The following HAPLN2 variants were observed in gnomAD, a reference collection of about 807,000 sequenced individuals.
HAPLN2 encodes brain link protein-1.
HAPLN2 carries 27 observed loss-of-function variants against 29.3 expected under a neutral mutation model. The ratio of observed to expected loss-of-function variants is 0.92; its 90% CI spans 0.68 to 1.27. HAPLN2 has a LOEUF of 1.27. Among genes scored for constraint, HAPLN2 ranks in the 50% most tolerant of loss-of-function variants. HAPLN2 has a pLI of 0.00. For synonymous variants in HAPLN2, 208 were observed against 211.7 expected, an observed-to-expected ratio of 0.98 and a Z score of 0.15; for missense variants, 454 against 484.3, an observed-to-expected ratio of 0.94 and a Z score of 0.59.
the HAPLN2 span, among the ~76,000 whole-genome samples, chr1:156,611,158 C>T: frequency 4.0e-5 from 6 of 151,740 alleles, no homozygotes; most frequent in Non-Finnish European, 7.4e-5. Context: ...TGGTACACGC[C>T]TGTAATCCTA....
chr1:156,622,321 G>A (rs1244658040), intron 2 of HAPLN2, among the ~76,000 whole-genome samples: 1 of 152,048 alleles, frequency 6.6e-6, no homozygotes, highest in African/African-American at 2.4e-5. Flanking sequence ...GGGTTTCATG[G>A]TGTGCGCCTG....
chr1:156,625,294 C>CG lies in HAPLN2; in HGVS notation c.939dup (p.Leu314AlafsTer132), dbSNP rs886289714. The CG allele has an allele frequency of 3.8e-6, 6 of 1,579,476 alleles. No individual in the cohort carries two copies. The highest frequency in any genetic ancestry group is 1.4e-5 in the African/African-American group (1 of 74,046). On this transcript the variant is annotated frameshift_variant, in exon 7 of 7. Coordinates refer to ENST00000255039, the MANE Select transcript of HAPLN2 (RefSeq NM_021817.3). LOFTEE classifies it low-confidence loss of function (END_TRUNC). The surrounding 1 kb of genome is among the most constrained non-coding windows in gnomAD (Gnocchi z 5.7). ...CAATCACCACGCCGAGGCCGCGCTG[C>CG]GGGGGGCTCCCGGATCCCGGAGTGC...
At position 156,625,154 on chromosome 1, in the gene HAPLN2, T is replaced by A. The variant is rs1428974920; in HGVS notation, c.793T>A (p.Cys265Ser). 1 of 1,543,510 alleles carries A rather than the reference T, an allele frequency of 6.5e-7. No individual in the cohort carries two copies. Among genetic ancestry groups the A allele is most frequent in the Admixed American group, 2.0e-5 (1 of 50,984 alleles). ...GACGCTGTCTGAAGCCCACGCGGCG[T>A]GCCGGCGACGCGGCGCCGTGGTGGC... ...RLTLSEAHAACRRRGAVVAKV... is the reference protein window; with the variant it reads ...RLTLSEAHAASRRRGAVVAKV... The change falls in exon 7 of 7, where the codon TGC (cysteine) becomes AGC (serine). Residue 265 changes from cysteine (C) to serine (S), a missense_variant. By Grantham distance (112) the Cys-to-Ser change is moderately radical. This residue lies in a region of HAPLN2 where 235 missense variants were observed against 236.9 expected (regional missense o/e 0.99). Transcript: ENST00000255039. This position sits in a 1 kb window ranked among gnomAD's most constrained non-coding sequence, Gnocchi z 5.7.
upstream of HAPLN2, among the ~76,000 whole-genome samples, chr1:156,616,509 A>C (rs2102518565): frequency 6.6e-6 from 1 of 152,280 alleles, no homozygotes; most frequent in East Asian, 1.9e-4. Flanking sequence ...ACAGTTCAGA[A>C]GTGATTTGTG....
intron 1 of HAPLN2, among the ~76,000 whole-genome samples, 191 bp downstream of exon 1, chr1:156,619,726 G>GA (rs1482042288): frequency 2.6e-5 from 4 of 152,120 alleles, no homozygotes; most frequent in Non-Finnish European, 1.5e-5. Flanking sequence ...AAGGCATCGA[G>GA]AAAAAATGAA....
chr1:156,625,154 T>G lies in HAPLN2; in HGVS notation c.793T>G (p.Cys265Gly), dbSNP rs1428974920. 28 of 1,543,510 alleles carry G rather than the reference T, an allele frequency of 1.8e-5. No homozygotes were observed. Among genetic ancestry groups the G allele is most frequent in the Non-Finnish European group, 2.3e-5 (26 of 1,146,674 alleles). Reference sequence around the variant, plus strand: ...GACGCTGTCTGAAGCCCACGCGGCGTGCCGGCGACGCGGCGCCGTGGTGGC... The same window carrying G: ...GACGCTGTCTGAAGCCCACGCGGCGGGCCGGCGACGCGGCGCCGTGGTGGC... ...RLTLSEAHAA[C>G]RRRGAVVAKV... The change falls in exon 7 of 7, where the codon TGC becomes GGC. Residue 265 changes from cysteine (C) to glycine (G), a missense_variant. By Grantham distance (159) the Cys-to-Gly change is radical. This residue lies in a region of HAPLN2 where 235 missense variants were observed against 236.9 expected (regional missense o/e 0.99). Coordinates refer to ENST00000255039, the MANE Select transcript of HAPLN2 (RefSeq NM_021817.3). This position sits in a 1 kb window ranked among gnomAD's most constrained non-coding sequence, Gnocchi z 5.7.
chr1:156,618,554 C>G (rs1447133246), upstream of HAPLN2, among the ~76,000 whole-genome samples: 1 of 151,726 alleles, frequency 6.6e-6, no homozygotes, highest in African/African-American at 2.4e-5. Context: ...CCGAGGCAGG[C>G]GGATCACCAG....
chr1:156,609,219 C>T, the HAPLN2 span, among the ~76,000 whole-genome samples: 2 of 152,204 alleles, frequency 1.3e-5, no homozygotes, highest in Admixed American at 6.5e-5. Flanking sequence ...AGGTGCAGCG[C>T]CCAGAACGCT....
Position 156,623,994 on chromosome 1 carries a change from C to T in HAPLN2, c.273C>T (p.Ala91=). The T allele has an allele frequency of 1.9e-6, 3 of 1,609,002 alleles. No individual in the cohort carries two copies. Among genetic ancestry groups the T allele is most frequent in the South Asian group, 1.1e-5 (1 of 90,326 alleles). ...TCCTCATCACCAACGGACTGCACGC[C>T]CGGGGGTATGGGCCCCTGGGAGGGC... is the stretch of plus-strand genomic sequence containing the variant. The part of the protein sequence containing the change: ...TLILITNGLH[A]RGYGPLGGRA... Residue 91 remains alanine (A), a synonymous_variant, in exon 4 of 7, where the codon GCC becomes GCT. Transcript: ENST00000255039.
upstream of HAPLN2, among the ~76,000 whole-genome samples, chr1:156,617,978 A>G (rs541593841): frequency 6.6e-6 from 1 of 152,196 alleles, no homozygotes; most frequent in Non-Finnish European, 1.5e-5. Context: ...TATGTAAATT[A>G]TACCTCAATG....
the HAPLN2 span, among the ~76,000 whole-genome samples, chr1:156,605,966 A>G: frequency 6.6e-6 from 1 of 152,348 alleles, no homozygotes; most frequent in African/African-American, 2.4e-5. Context: ...CCTGGGCAAC[A>G]TAGTGAGACA....
At chr1:156,612,029 C>G in the HAPLN2 span, among the ~76,000 whole-genome samples, 1 of 151,982 alleles carries the variant, frequency 6.6e-6, no homozygotes, top group East Asian at 1.9e-4. Context: ...TTTTGTTTTG[C>G]TTTTTTGAGA....
chr1:156,606,212 C>A, the HAPLN2 span, among the ~76,000 whole-genome samples: 1 of 151,880 alleles, frequency 6.6e-6, no homozygotes, highest in Non-Finnish European at 1.5e-5. Context: ...TGCAGTGAGC[C>A]AAGACTGCGC....
the HAPLN2 span, among the ~76,000 whole-genome samples, chr1:156,610,085 G>A: frequency 0.1 from 15,561 of 151,934 alleles, 1,139 homozygotes; most frequent in East Asian, 0.32. Context: ...GTGGTGGCAC[G>A]TGCCTGTAAT....
chr1:156,608,417 G>T, the HAPLN2 span, among the ~76,000 whole-genome samples: 1 of 152,100 alleles, frequency 6.6e-6, no homozygotes, highest in Non-Finnish European at 1.5e-5. Flanking sequence ...TGGCCTCATT[G>T]TCTCCTTTAA....
intron 3 of HAPLN2, 47 bp from the exon 4 acceptor site, chr1:156,623,760 G>C: frequency 6.8e-7 from 1 of 1,470,678 alleles, no homozygotes; most frequent in Non-Finnish European, 9.0e-7. Context: ...GGGCACTTGG[G>C]GCAGTGAGGA....
In HAPLN2 at chr1:156,623,540, C is replaced by T. The variant is rs752295940; in HGVS notation, c.50C>T (p.Ala17Val). Residue 17 changes from alanine to valine, a missense_variant, in exon 3 of 7, where the codon GCC becomes GTC. Coordinates refer to ENST00000255039, the MANE Select transcript of HAPLN2 (RefSeq NM_021817.3). Reference sequence around the variant, plus strand: ...ACACTCTGCCGCTTCCTTCTTTGGGCCTTCACCATCTTCCACAAAGCCCAA... The same window carrying T: ...ACACTCTGCCGCTTCCTTCTTTGGGTCTTCACCATCTTCCACAAAGCCCAA... ...LPTLCRFLLW[A>V]FTIFHKAQGD... The T allele has an allele frequency of 1.7e-5, 28 of 1,614,142 alleles. No individual in the cohort carries two copies. The highest frequency in any genetic ancestry group is 2.3e-5 in the Non-Finnish European group (27 of 1,180,016).
Position 156,624,669 on chromosome 1 carries a change from C to G in HAPLN2, c.625C>G (p.Leu209Val). Reference sequence around the variant, plus strand: ...CGAGGGCTCCGTGCGCTACCCTGTGCTCACCGCACGCGCCCCGTGCGGCGG... The same window carrying G: ...CGAGGGCTCCGTGCGCTACCCTGTGGTCACCGCACGCGCCCCGTGCGGCGG... ...LLEGSVRYPVLTARAPCGGRG... is the reference protein window; with the variant it reads ...LLEGSVRYPVVTARAPCGGRG... The change falls in exon 6 of 7, where the codon CTC (leucine) becomes GTC (valine). Residue 209 changes from leucine to valine, a missense_variant. Physicochemically the swap from Leu to Val is conservative, Grantham distance 32 (BLOSUM62 1). Coordinates refer to ENST00000255039, the MANE Select transcript of HAPLN2 (RefSeq NM_021817.3). 6.2e-7 allele frequency: 1 copy of G among 1,608,510 alleles called. No individual in the cohort carries two copies. Among genetic ancestry groups the G allele is most frequent in the Non-Finnish European group, 8.5e-7 (1 of 1,178,616 alleles).
At chr1:156,613,246 G>A in the HAPLN2 span, among the ~76,000 whole-genome samples, 1 of 152,176 alleles carries the variant, frequency 6.6e-6, no homozygotes, top group Non-Finnish European at 1.5e-5. Context: ...AGCTACTCAG[G>A]AGGCCGAGGC....
Sources: allele counts gnomAD v4.1 joint callset (sites outside exome capture counted in the v4.1 genomes callset), GRCh38; gene constraint gnomAD v4.1.1; regional missense constraint gnomAD v4.1.1; non-coding constraint Gnocchi (gnomAD v3.1); transcripts MANE v1.5; gene names NCBI Gene and HGNC (gene_info 2026-07-23, HGNC 2026-07-21).